SPIDR: variants seen among roughly 807,000 people sequenced by gnomAD.
The protein encoded by SPIDR is DNA repair-scaffolding protein.
SPIDR carries 93 observed loss-of-function variants against 104.6 expected under a neutral mutation model. The ratio of observed to expected loss-of-function variants is 0.89; its 90% CI spans 0.75 to 1.06. The LOEUF (loss-of-function observed/expected upper bound fraction) is 1.06, where lower values mean the gene tolerates loss of function less well. SPIDR is among the 50% of genes least tolerant of loss of function. The probability of loss-of-function intolerance (pLI) is 0.00; values close to 1 mark genes in which losing one functional copy is unlikely to be tolerated. For missense variants in SPIDR, 1,154 were observed against 1,111.2 expected (o/e 1.04, Z -0.55); for synonymous variants, 431 against 416.9 (o/e 1.03, Z -0.41).
intron 1 of SPIDR, among the ~76,000 whole-genome samples, chr8:47,277,835 C>T (rs891717135): frequency 5.9e-5 from 9 of 151,770 alleles, no homozygotes; most frequent in South Asian, 2.1e-4. Context: ...CCACCATTCC[C>T]GGCTAATTTT....
chr8:47,713,079 G>A lies in SPIDR; in HGVS notation c.2188+207G>A, dbSNP rs1034380719. 1.6e-5 allele frequency: 21 copies of A among 1,307,362 alleles called. No individual in the cohort carries two copies. In the African/African-American group the frequency reaches 3.1e-4, roughly 19 times the overall value. 81.0% of individuals were successfully genotyped at this position (1,307,362 alleles called of 1,614,324 possible). Reference sequence around the variant, plus strand: ...GCAGAACCAGCTCCATGGAGATGCTGTGCTCACTCCAGAATTGCCTGCTGG... The same window carrying A: ...GCAGAACCAGCTCCATGGAGATGCTATGCTCACTCCAGAATTGCCTGCTGG... On this transcript the variant is annotated intron_variant, in intron 15 of 19. Coordinates refer to ENST00000297423, the MANE Select transcript of SPIDR (RefSeq NM_001080394.4).
At chr8:47,364,661 T>TA (rs2056843852) in intron 5 of SPIDR, among the ~76,000 whole-genome samples, 1 of 152,222 alleles carries the variant, frequency 6.6e-6, no homozygotes, top group African/African-American at 2.4e-5. Context: ...CAGCAAATCT[T>TA]ACTATGATTT....
At chr8:47,386,155 T>A (rs920578536) in intron 5 of SPIDR, among the ~76,000 whole-genome samples, 11 of 152,060 alleles carry the variant, frequency 7.2e-5, no homozygotes, top group Admixed American at 2.6e-4. Flanking sequence ...TCTATGTAGG[T>A]ATACTTAAGG....
At chr8:47,274,328 A>G (rs1194968589) in intron 1 of SPIDR, among the ~76,000 whole-genome samples, 1 of 152,154 alleles carries the variant, frequency 6.6e-6, no homozygotes, top group East Asian at 1.9e-4. Context: ...TAATTGCTAC[A>G]TATTTTCCTT....
chr8:47,658,791 C>G (rs1169681472), intron 10 of SPIDR, among the ~76,000 whole-genome samples: 2 of 151,322 alleles, frequency 1.3e-5, no homozygotes, highest in Non-Finnish European at 2.9e-5. Flanking sequence ...AAAAAATTAG[C>G]AGGGCGTGGT....
At chr8:47,278,864 A>G (rs2037133962) in intron 1 of SPIDR, among the ~76,000 whole-genome samples, 1 of 152,096 alleles carries the variant, frequency 6.6e-6, no homozygotes, top group East Asian at 1.9e-4. Context: ...AAATGATAGA[A>G]GGAAGCAGGA....
intron 8 of SPIDR, among the ~76,000 whole-genome samples, chr8:47,589,479 C>G (rs1340774153): frequency 6.6e-6 from 1 of 150,474 alleles, no homozygotes; most frequent in African/African-American, 2.5e-5. Context: ...GAACCGAGAT[C>G]ACACCACTGC....
chr8:47,541,129 G>C (rs1016277022), intron 8 of SPIDR, among the ~76,000 whole-genome samples: 7 of 152,128 alleles, frequency 4.6e-5, no homozygotes, highest in Non-Finnish European at 1.5e-5. Context: ...CAAAATGCTG[G>C]GATTACAGGC....
chr8:47,507,382 A>C (rs898486567), intron 8 of SPIDR, among the ~76,000 whole-genome samples: 3 of 152,232 alleles, frequency 2.0e-5, no homozygotes, highest in African/African-American at 7.2e-5. Context: ...ACTGGACCCA[A>C]GACATGCCAT....
At chr8:47,263,155 A>G (rs2032954370) in intron 1 of SPIDR, among the ~76,000 whole-genome samples, 1 of 152,240 alleles carries the variant, frequency 6.6e-6, no homozygotes, top group Non-Finnish European at 1.5e-5. Context: ...AGTTAAGGGA[A>G]GAAGCTAGGA....
intron 5 of SPIDR, among the ~76,000 whole-genome samples, chr8:47,359,983 C>G (rs990470714): frequency 6.6e-6 from 1 of 152,078 alleles, no homozygotes; most frequent in Non-Finnish European, 1.5e-5. Context: ...TGGCTCACGC[C>G]TGTAATCCCA....
intron 8 of SPIDR, among the ~76,000 whole-genome samples, chr8:47,480,387 A>G (rs190633310): frequency 6.6e-6 from 1 of 152,218 alleles, no homozygotes; most frequent in Non-Finnish European, 1.5e-5. Context: ...TGATTAGATG[A>G]GTATGTCCTA....
rs1156912261 is a variant in SPIDR at position 47,594,019 on chromosome 8, GTC to G, written c.1098-1787_1098-1786del. On this transcript the variant is annotated intron_variant, in intron 8 of 19. Transcript: ENST00000297423. ...GAGGTGAAGTCCAGGCCCCCAGGTA[GTC>G]TCTCCATTGTCACAATGAGGGGAGT... 7.9e-5 allele frequency among the ~76,000 whole-genome samples: 12 copies of G among 151,826 alleles called. No individual in the cohort carries two copies. The East Asian group carries it at 2.3e-3, about 30-fold the overall frequency.
intron 16 of SPIDR, among the ~76,000 whole-genome samples, chr8:47,723,357 T>C (rs1477912815): frequency 6.6e-6 from 1 of 152,130 alleles, no homozygotes; most frequent in Non-Finnish European, 1.5e-5. Flanking sequence ...TTCCACTCTC[T>C]GCCTATTCTG....
chr8:47,340,892 G>C (rs782141186), intron 5 of SPIDR, among the ~76,000 whole-genome samples: 31 of 152,222 alleles, frequency 2.0e-4, no homozygotes, highest in Non-Finnish European at 8.8e-5. Context: ...AGTTAGGAGA[G>C]GTTATGGAAG....
At chr8:47,393,993 C>T (rs951819140) in intron 5 of SPIDR, among the ~76,000 whole-genome samples, 2 of 151,950 alleles carry the variant, frequency 1.3e-5, no homozygotes, top group Non-Finnish European at 1.5e-5. Context: ...CAACCTCCAC[C>T]TCCCAGGGTC....
At position 47,480,256 on chromosome 8, in the gene SPIDR, G is replaced by A. The variant is rs782007510; in HGVS notation, c.1097+39714G>A. On this transcript the variant is annotated intron_variant, in intron 8 of 19. Coordinates refer to ENST00000297423, the MANE Select transcript of SPIDR (RefSeq NM_001080394.4). Reference sequence around the variant, plus strand: ...ATTTAATGTCTAAAGTAGAAGATTAGGAGGAAAGCAATTAAGCAGTTACCT... The same window carrying A: ...ATTTAATGTCTAAAGTAGAAGATTAAGAGGAAAGCAATTAAGCAGTTACCT... 1.1e-4 allele frequency among the ~76,000 whole-genome samples: 16 copies of A among 152,140 alleles called. 1 individual carries two copies. The highest frequency in any genetic ancestry group is 2.7e-4 in the African/African-American group (11 of 41,446).
Position 47,673,790 on chromosome 8 carries a change from G to GT in SPIDR, c.1545-5dup. On this transcript the variant is annotated splice_polypyrimidine_tract_variant and intron_variant, in intron 10 of 19. Coordinates refer to ENST00000297423, the MANE Select transcript of SPIDR (RefSeq NM_001080394.4). Reference sequence around the variant, plus strand: ...GCCTCCTCAAAGACAAATGTGAATGGTTTTTTACAGAGCCTGCCTTCTGGT... The same window carrying GT: ...GCCTCCTCAAAGACAAATGTGAATGGTTTTTTTACAGAGCCTGCCTTCTGGT... The GT allele has an allele frequency of 1.9e-6, 3 of 1,614,046 alleles. No homozygotes were observed. The East Asian group carries it at 6.7e-5, about 36-fold the overall frequency.
intron 8 of SPIDR, among the ~76,000 whole-genome samples, chr8:47,467,008 A>G (rs1285533882): frequency 6.6e-6 from 1 of 151,516 alleles, no homozygotes; most frequent in Non-Finnish European, 1.5e-5. Flanking sequence ...CCAAATAAAC[A>G]CAATTAGAAA....
Sources: allele counts gnomAD v4.1 joint callset (sites outside exome capture counted in the v4.1 genomes callset), GRCh38; gene constraint gnomAD v4.1.1; transcripts MANE v1.5; gene names NCBI Gene and HGNC (gene_info 2026-07-23, HGNC 2026-07-21).